Variants in GSDME observed in about 807,000 individuals in gnomAD.
The protein encoded by GSDME is gasdermin E.
In GSDME, 44 loss-of-function variants were observed where a neutral mutation model predicts 47.5. That is an observed-to-expected ratio of 0.93 (90% CI 0.73 to 1.19). GSDME has a LOEUF of 1.19. Among genes scored for constraint, GSDME ranks in the 50% most tolerant of loss-of-function variants. The probability of loss-of-function intolerance (pLI) is 0.00; values close to 1 mark genes in which losing one functional copy is unlikely to be tolerated. For synonymous variants in GSDME, 258 were observed against 252.8 expected (o/e 1.02, Z -0.20); for missense variants, 663 against 604.2 (o/e 1.10, Z -1.02).
At chr7:24,760,029 C>T (rs768909658), upstream of GSDME, among the ~76,000 whole-genome samples, 7 of 152,030 alleles carry the variant, frequency 4.6e-5, no homozygotes, top group Non-Finnish European at 1.0e-4. This position sits in a 1 kb window ranked among gnomAD's most constrained non-coding sequence, Gnocchi z 4.2. Flanking sequence ...TAGATATATC[C>T]CCTTTGAGGA....
chr7:24,775,599 G>C, the GSDME span, among the ~76,000 whole-genome samples: 2 of 152,164 alleles, frequency 1.3e-5, no homozygotes. Flanking sequence ...CAGCGCGGTG[G>C]CTCACGCCTG....
chr7:24,785,004 C>T, the GSDME span, among the ~76,000 whole-genome samples: 1 of 152,180 alleles, frequency 6.6e-6, no homozygotes, highest in Non-Finnish European at 1.5e-5. Flanking sequence ...TACTTTGCAC[C>T]CTTCCATCCA....
At chr7:24,723,482 A>G (rs1789864634) in intron 3 of GSDME, among the ~76,000 whole-genome samples, 1 of 152,208 alleles carries the variant, frequency 6.6e-6, no homozygotes, top group African/African-American at 2.4e-5. Flanking sequence ...ATTTCAATGC[A>G]ATTTGTTTAC....
Position 24,721,664 on chromosome 7 carries a change from A to C in GSDME, c.405-2446T>G, listed in dbSNP as rs575888297. On this transcript the variant is annotated intron_variant, in intron 3 of 9. Transcript: ENST00000645220. This position sits in a 1 kb window ranked among gnomAD's most constrained non-coding sequence, Gnocchi z 4.1. ...TCCGCCCACCTTCCCGTGTCCCTCT[A>C]TGAGGCTCACAAAACAAAGCCACAG... is the stretch of plus-strand genomic sequence containing the variant. 6.6e-6 allele frequency among the ~76,000 whole-genome samples: 1 copy of C among 152,220 alleles called. No homozygotes were observed. The highest frequency in any genetic ancestry group is 1.5e-5 in the Non-Finnish European group (1 of 68,030).
At chr7:24,701,626 G>A (rs1788873712) in intron 9 of GSDME, among the ~76,000 whole-genome samples, 1 of 152,216 alleles carries the variant, frequency 6.6e-6, no homozygotes, top group East Asian at 1.9e-4. Context: ...AAGCAGAGCT[G>A]TTGTTTTGCT....
rs1215508236 is a variant in GSDME at position 24,702,772 on chromosome 7, T to G, written c.1245A>C (p.Thr415=). ...GGAGGTTGCTTACCAAGTGGCACAG[T>G]GTGGGAATGATCTGGAGTTTGCAGC... ...GTCCKLQIIP[T]LCHLLRALSD... The change falls in exon 9 of 10, where the codon ACA becomes ACC. Residue 415 remains threonine (T), a synonymous_variant. Coordinates refer to ENST00000645220, the MANE Select transcript of GSDME (RefSeq NM_001127453.2). 1 of 1,613,420 alleles carries G rather than the reference T, an allele frequency of 6.2e-7. No homozygotes were observed. Among genetic ancestry groups the G allele is most frequent in the South Asian group, 1.1e-5 (1 of 91,050 alleles).
the GSDME span, among the ~76,000 whole-genome samples, chr7:24,793,592 T>G: frequency 6.6e-6 from 1 of 152,222 alleles, no homozygotes; most frequent in Non-Finnish European, 1.5e-5. Context: ...TTATACAACA[T>G]TTCTTGCATA....
intron 3 of GSDME, among the ~76,000 whole-genome samples, chr7:24,722,318 C>G (rs922993687): frequency 6.6e-6 from 1 of 152,164 alleles, no homozygotes; most frequent in South Asian, 2.1e-4. Flanking sequence ...GGATCTGCAG[C>G]TTGGATCAAA....
chr7:24,747,043 C>G (rs1007156766), intron 2 of GSDME, among the ~76,000 whole-genome samples: 1 of 152,198 alleles, frequency 6.6e-6, no homozygotes, highest in Non-Finnish European at 1.5e-5. Context: ...CTGCAGTGAC[C>G]GCCACTGGCC....
At chr7:24,755,303 AC>A (rs1562719100) in intron 1 of GSDME, among the ~76,000 whole-genome samples, 1 of 151,336 alleles carries the variant, frequency 6.6e-6, no homozygotes, top group African/African-American at 2.4e-5. Flanking sequence ...ATCAAATACC[AC>A]CCCCCTTCCA....
the GSDME span, among the ~76,000 whole-genome samples, chr7:24,788,453 T>G: frequency 1.3e-5 from 2 of 152,146 alleles, no homozygotes; most frequent in Non-Finnish European, 2.9e-5. This position sits in a 1 kb window ranked among gnomAD's most constrained non-coding sequence, Gnocchi z 4.6. Flanking sequence ...TGCTAATCTC[T>G]CGGTGACTTC....
Position 24,698,893 on chromosome 7 carries a change from T to G in GSDME, c.*133A>C, listed in dbSNP as rs953666845. 1 of 751,776 alleles carries G rather than the reference T, an allele frequency of 1.3e-6. No homozygotes were observed. The highest frequency in any genetic ancestry group is 1.7e-5 in the African/African-American group (1 of 57,974). The allele number at this position is 751,776 out of a possible 1,614,324, so 46.6% of individuals were successfully genotyped here. Reference sequence around the variant, plus strand: ...TGGCTAAAAGTCAGGTCATTCATCATGCAAAATGTCACCACTTCTTAAACT... The same window carrying G: ...TGGCTAAAAGTCAGGTCATTCATCAGGCAAAATGTCACCACTTCTTAAACT... On this transcript the variant is annotated 3_prime_UTR_variant, in exon 10 of 10. Coordinates refer to ENST00000645220, the MANE Select transcript of GSDME (RefSeq NM_001127453.2).
the GSDME span, among the ~76,000 whole-genome samples, chr7:24,777,960 C>G: frequency 6.6e-6 from 1 of 150,878 alleles, no homozygotes; most frequent in Non-Finnish European, 1.5e-5. Context: ...AAAAGAAAAA[C>G]AAATATATTG....
At chr7:24,703,727 A>AT (rs1263211911) in intron 8 of GSDME, 1 of 152,576 alleles carries the variant, frequency 6.6e-6, no homozygotes, top group Non-Finnish European at 1.5e-5. Flanking sequence ...AGTGTAGGCT[A>AT]TTAAGGGGGT....
At chr7:24,706,813 G>A (rs1235046268) in intron 7 of GSDME, among the ~76,000 whole-genome samples, 1 of 152,238 alleles carries the variant, frequency 6.6e-6, no homozygotes, top group Non-Finnish European at 1.5e-5. Flanking sequence ...GCTGTGGAGT[G>A]AGGCGACCCT....
chr7:24,763,283 A>G, the GSDME span, among the ~76,000 whole-genome samples: 1 of 152,112 alleles, frequency 6.6e-6, no homozygotes, highest in Non-Finnish European at 1.5e-5. This position sits in a 1 kb window ranked among gnomAD's most constrained non-coding sequence, Gnocchi z 4.3. Flanking sequence ...CAACTTCAGC[A>G]TACAATTTTT....
the GSDME span, among the ~76,000 whole-genome samples, chr7:24,793,364 A>G: frequency 6.6e-6 from 1 of 152,224 alleles, no homozygotes; most frequent in East Asian, 1.9e-4. Context: ...TTTAGCTAAT[A>G]TGTTTATACA....
chr7:24,714,753 C>T lies in GSDME; in HGVS notation c.697+2501G>A, dbSNP rs943435404. Among the ~76,000 whole-genome samples, 11 of 152,334 alleles carry T rather than the reference C, an allele frequency of 7.2e-5. No homozygotes were observed. The highest frequency in any genetic ancestry group is 2.1e-4 in the South Asian group (1 of 4,820). On this transcript the variant is annotated intron_variant, in intron 5 of 9. Coordinates refer to ENST00000645220, the MANE Select transcript of GSDME (RefSeq NM_001127453.2). The surrounding 1 kb of genome is among the most constrained non-coding windows in gnomAD (Gnocchi z 5.0). ...AAGAGAGGCTACCTCCACAGAGCTG[C>T]GTCAGGGCAGGGTCTGGTCACCTCC...
chr7:24,784,575 C>T, the GSDME span, among the ~76,000 whole-genome samples: 3 of 150,836 alleles, frequency 2.0e-5, no homozygotes. Flanking sequence ...AGTGGGAAGA[C>T]TTAGCAAGCC....
Sources: allele counts gnomAD v4.1 joint callset (sites outside exome capture counted in the v4.1 genomes callset), GRCh38; gene constraint gnomAD v4.1.1; non-coding constraint Gnocchi (gnomAD v3.1); transcripts MANE v1.5; gene names NCBI Gene and HGNC (gene_info 2026-07-23, HGNC 2026-07-21).